The following ERICH1 variants were observed in gnomAD, a reference collection of about 807,000 sequenced individuals.
ERICH1 encodes the protein glutamate rich 1.
Under a neutral mutation model 39.6 loss-of-function variants are expected in ERICH1, and 56 were observed. That is an observed-to-expected ratio of 1.41 (90% confidence interval 1.14 to 1.77). ERICH1 has a LOEUF of 1.77. ERICH1 is among the 40% of genes most tolerant of loss of function. ERICH1 has a pLI of 0.00. For missense variants in ERICH1, 826 were observed against 575.4 expected, an observed-to-expected ratio of 1.44 and a Z score of -4.45; for synonymous variants, 313 against 223.6, an observed-to-expected ratio of 1.40 and a Z score of -3.57.
intron 3 of ERICH1, among the ~76,000 whole-genome samples, chr8:644,816 G>T (rs1487340920): frequency 1.5e-5 from 1 of 68,166 alleles, no homozygotes; most frequent in African/African-American, 3.7e-5. Flanking sequence ...GGGGTGAGTG[G>T]GACAAGGTTT....
intron 2 of ERICH1, among the ~76,000 whole-genome samples, chr8:704,021 A>G (rs1812729158): frequency 6.6e-6 from 1 of 152,230 alleles, no homozygotes; most frequent in South Asian, 2.1e-4. Flanking sequence ...AAAACTGCTC[A>G]TAGCCACAGG....
intron 3 of ERICH1, among the ~76,000 whole-genome samples, chr8:686,330 C>T (rs751271395): frequency 7.2e-5 from 11 of 152,154 alleles, no homozygotes; most frequent in Non-Finnish European, 1.3e-4. Context: ...TTTCTCTAAT[C>T]CAAATTGCTT....
At chr8:661,405 G>A (rs1363136863), downstream of ERICH1, among the ~76,000 whole-genome samples, 1 of 152,104 alleles carries the variant, frequency 6.6e-6, no homozygotes, top group Non-Finnish European at 1.5e-5. Flanking sequence ...GCAGACACAG[G>A]CGGAGGTCCC....
intron 2 of ERICH1, among the ~76,000 whole-genome samples, chr8:703,753 C>G (rs1316477239): frequency 6.6e-6 from 1 of 152,170 alleles, no homozygotes; most frequent in Admixed American, 6.5e-5. Context: ...GGTCTCAAAT[C>G]ACTAAACCAT....
chr8:633,997 C>T (rs1206928200), intron 3 of ERICH1, among the ~76,000 whole-genome samples: 2 of 152,076 alleles, frequency 1.3e-5, no homozygotes, highest in East Asian at 3.9e-4. Flanking sequence ...ACACCAAAGG[C>T]CCAGGCGACA....
intron 3 of ERICH1, among the ~76,000 whole-genome samples, chr8:650,126 G>A (rs891913390): frequency 6.6e-6 from 1 of 152,220 alleles, no homozygotes; most frequent in Non-Finnish European, 1.5e-5. Context: ...GCTCCATGCC[G>A]GGAGCGCGCA....
At chr8:659,958 C>G (rs747059672), downstream of ERICH1, among the ~76,000 whole-genome samples, 6 of 152,228 alleles carry the variant, frequency 3.9e-5, no homozygotes, top group Admixed American at 2.0e-4. Context: ...CCTTTGTGTC[C>G]TCATTCAATC....
chr8:686,144 G>A, intron 3 of ERICH1, among the ~76,000 whole-genome samples: 1 of 152,270 alleles, frequency 6.6e-6, no homozygotes. Flanking sequence ...GACAGAGCGA[G>A]ACTCCATCTC....
intron 2 of ERICH1, among the ~76,000 whole-genome samples, chr8:698,961 G>C (rs1477931036): frequency 6.7e-6 from 1 of 149,686 alleles, no homozygotes. Context: ...GGAACTGCAA[G>C]TGCCAAGCAC....
chr8:703,074 G>A (rs1812515513), intron 2 of ERICH1, among the ~76,000 whole-genome samples: 1 of 152,214 alleles, frequency 6.6e-6, no homozygotes, highest in Non-Finnish European at 1.5e-5. Context: ...AAACTAAAAG[G>A]GCTTACGTCC....
chr8:674,157 T>C (rs979427405), intron 3 of ERICH1, 110 bp from the exon 4 acceptor site: 2 of 1,219,738 alleles, frequency 1.6e-6, no homozygotes, highest in East Asian at 2.4e-5. Flanking sequence ...AGAAAAAGAG[T>C]TTACACTATT....
Position 640,317 on chromosome 8 carries a change from C to G in ERICH1, c.977-25033G>C, listed in dbSNP as rs184352924. On this transcript the variant is annotated intron_variant, in intron 3 of 3. Coordinates refer to the ERICH1 transcript ENST00000522706. ...ATTCCTCTCTGGAGCTGCTGACACA[C>G]AAGCCCCAGGTGGCAGGGCGAGCTC... Among the ~76,000 whole-genome samples the G allele has an allele frequency of 7.2e-5, 11 of 152,350 alleles. No individual in the cohort carries two copies. In the East Asian group the frequency reaches 2.1e-3, roughly 29 times the overall value.
At chr8:633,715 C>G (rs1798197962) in intron 3 of ERICH1, among the ~76,000 whole-genome samples, 1 of 152,194 alleles carries the variant, frequency 6.6e-6, no homozygotes, top group Non-Finnish European at 1.5e-5. Context: ...GGCGAGGACC[C>G]AGAAATAAAC....
downstream of ERICH1, among the ~76,000 whole-genome samples, chr8:662,775 G>A (rs1174202547): frequency 6.6e-6 from 1 of 152,246 alleles, no homozygotes; most frequent in Non-Finnish European, 1.5e-5. Context: ...AGTCCGGCTT[G>A]GACACCACTG....
At chr8:706,453 T>A (rs1220653235) in intron 2 of ERICH1, among the ~76,000 whole-genome samples, 1 of 152,054 alleles carries the variant, frequency 6.6e-6, no homozygotes, top group African/African-American at 2.4e-5. Context: ...CTTTTCTACG[T>A]CCTGTAAGTA....
chr8:729,683 C>T (rs1454680968), intron 1 of ERICH1, among the ~76,000 whole-genome samples: 1 of 151,944 alleles, frequency 6.6e-6, no homozygotes, highest in Non-Finnish European at 1.5e-5. Context: ...TGTCCTTAAA[C>T]AACGTAAATT....
chr8:670,630 A>C (rs1563216954), intron 4 of ERICH1, among the ~76,000 whole-genome samples: 1 of 152,164 alleles, frequency 6.6e-6, no homozygotes, highest in Non-Finnish European at 1.5e-5. Context: ...CAAGATGGCC[A>C]AGAGGCTCCT....
chr8:624,805 C>A (rs947390380), intron 3 of ERICH1, among the ~76,000 whole-genome samples: 11 of 152,144 alleles, frequency 7.2e-5, no homozygotes, highest in Admixed American at 7.2e-4. Flanking sequence ...CGGCTCACTG[C>A]AAGCTCTGCC....
At chr8:688,110 G>C (rs962247353) in intron 3 of ERICH1, among the ~76,000 whole-genome samples, 1 of 152,216 alleles carries the variant, frequency 6.6e-6, no homozygotes, top group Non-Finnish European at 1.5e-5. Flanking sequence ...AAAAACACGG[G>C]AGACAGGAGA....
Sources: allele counts gnomAD v4.1 joint callset (sites outside exome capture counted in the v4.1 genomes callset), GRCh38; gene constraint gnomAD v4.1.1; transcripts MANE v1.5; gene names NCBI Gene and HGNC (gene_info 2026-07-23, HGNC 2026-07-21).